The following SHANK2 variants were observed in gnomAD, a reference collection of about 807,000 sequenced individuals.
The protein encoded by SHANK2 is SH3 and multiple ankyrin repeat domains protein 2.
SHANK2 carries 43 observed loss-of-function variants against 133.7 expected under a neutral mutation model. The ratio of observed to expected loss-of-function variants is 0.32; its 90% CI spans 0.25 to 0.41. The LOEUF is 0.41. Ranked by LOEUF, SHANK2 falls within the 10% of genes least tolerant of loss-of-function variation. The pLI is 1.00. For synonymous variants in SHANK2, 1,017 were observed against 952.8 expected, an observed-to-expected ratio of 1.07 and a Z score of -1.24; for missense variants, 1,994 against 2,235.8, an observed-to-expected ratio of 0.89 and a Z score of 2.18.
chr11:71,190,545 G>T (rs1448253210), intron 2 of SHANK2, among the ~76,000 whole-genome samples: 2 of 152,154 alleles, frequency 1.3e-5, no homozygotes, highest in Non-Finnish European at 1.5e-5. Flanking sequence ...ACCAACAGAT[G>T]GTTGATGGGG....
At chr11:70,496,502 G>A (rs2058972737) in intron 21 of SHANK2, among the ~76,000 whole-genome samples, 2 of 152,202 alleles carry the variant, frequency 1.3e-5, no homozygotes, top group Non-Finnish European at 2.9e-5. Context: ...TCATGTAACT[G>A]TGTGCCCAGG....
At chr11:70,489,890 G>A in intron 23 of SHANK2, 1 of 314,134 alleles carries the variant, frequency 3.2e-6, no homozygotes, top group Non-Finnish European at 6.1e-6. Flanking sequence ...AGGCCTGGTG[G>A]TGGCTGGGGA....
chr11:70,657,276 G>A (rs2134245047), intron 17 of SHANK2, among the ~76,000 whole-genome samples: 1 of 152,258 alleles, frequency 6.6e-6, no homozygotes, highest in African/African-American at 2.4e-5. Flanking sequence ...CTGACTCCAG[G>A]ACTGGCTGCT....
intron 15 of SHANK2, among the ~76,000 whole-genome samples, chr11:70,663,925 T>A (rs1555014186): frequency 1.3e-5 from 2 of 151,788 alleles, no homozygotes; most frequent in African/African-American, 2.4e-5. Context: ...ACAGCAAGAG[T>A]GGGTAAGAAC....
intron 17 of SHANK2, among the ~76,000 whole-genome samples, chr11:70,529,395 TG>T (rs1348134705): frequency 3.3e-5 from 5 of 152,206 alleles, no homozygotes; most frequent in African/African-American, 1.2e-4. Context: ...ACCGGGCAGT[TG>T]GGGTTCAACA....
intron 2 of SHANK2, among the ~76,000 whole-genome samples, chr11:71,204,234 C>CAA (rs148030967): frequency 4.0e-5 from 6 of 151,512 alleles, no homozygotes; most frequent in Non-Finnish European, 7.4e-5. Flanking sequence ...GATGTAAATC[C>CAA]AAAAAAAACC....
At chr11:70,567,316 T>C (rs1220241136) in intron 17 of SHANK2, among the ~76,000 whole-genome samples, 1 of 152,160 alleles carries the variant, frequency 6.6e-6, no homozygotes, top group Non-Finnish European at 1.5e-5. Flanking sequence ...TAATCCCGGC[T>C]GACTGGTGTC....
intron 17 of SHANK2, among the ~76,000 whole-genome samples, chr11:70,506,192 G>A (rs782443846): frequency 3.3e-5 from 5 of 152,206 alleles, no homozygotes; most frequent in Non-Finnish European, 7.3e-5. Context: ...GTCTGTAGCC[G>A]ACAGCCTGGG....
intron 17 of SHANK2, among the ~76,000 whole-genome samples, chr11:70,597,205 C>T (rs1327057386): frequency 6.6e-6 from 1 of 152,236 alleles, no homozygotes; most frequent in African/African-American, 2.4e-5. Flanking sequence ...ATGCCAGGCT[C>T]AGCACCCGCC....
chr11:71,130,790 C>T (rs1454194999), intron 3 of SHANK2, among the ~76,000 whole-genome samples: 1 of 151,996 alleles, frequency 6.6e-6, no homozygotes, highest in African/African-American at 2.4e-5. Context: ...GTCGTGGCCC[C>T]ACAGGGATAT....
Position 70,892,462 on chromosome 11 carries a change from G to C in SHANK2, c.1174+4039C>G, listed in dbSNP as rs1227911369. 7.9e-5 allele frequency among the ~76,000 whole-genome samples: 12 copies of C among 152,240 alleles called. No homozygotes were observed. The East Asian group carries it at 2.3e-3, about 29-fold the overall frequency. On this transcript the variant is annotated intron_variant, in intron 11 of 25. Transcript: ENST00000601538. ...GTCCAGCCTCTATGAAGCCTCCCCA[G>C]CCTGCCCCATCCCAGTCCACACTGA...
intron 14 of SHANK2, among the ~76,000 whole-genome samples, chr11:70,727,505 C>A (rs1555030978): frequency 1.3e-5 from 2 of 152,154 alleles, no homozygotes; most frequent in African/African-American, 2.4e-5. Context: ...CATGGTAGAG[C>A]AGGGGTATCC....
In SHANK2 at chr11:70,472,558, G is replaced by A. The variant is rs1325419527; in HGVS notation, c.*311C>T. ...GGATCCCGTGCAAAATTGACGGGGA[G>A]CCTCTCGGACCCGGCAAAGCGAGGC... On this transcript the variant is annotated 3_prime_UTR_variant, in exon 26 of 26. Coordinates refer to ENST00000601538, the MANE Select transcript of SHANK2 (RefSeq NM_012309.5). This position sits in a 1 kb window ranked among gnomAD's most constrained non-coding sequence, Gnocchi z 4.4. 8 of 424,842 alleles carry A rather than the reference G, an allele frequency of 1.9e-5. No individual in the cohort carries two copies. Among genetic ancestry groups the A allele is most frequent in the African/African-American group, 1.6e-4 (8 of 49,530 alleles). The allele number at this position is 424,842 out of a possible 1,614,324, so 26.3% of individuals were successfully genotyped here. A position where few individuals can be genotyped will look rare whatever the true frequency, so the allele number is the denominator to read the frequency against.
chr11:70,723,696 C>A (rs1019276811), intron 14 of SHANK2, among the ~76,000 whole-genome samples: 4 of 152,172 alleles, frequency 2.6e-5, no homozygotes, highest in Non-Finnish European at 5.9e-5. Context: ...AAGTCCCACA[C>A]TGTTTAGACT....
chr11:70,790,101 T>A (rs976665104), intron 14 of SHANK2, among the ~76,000 whole-genome samples: 1 of 152,248 alleles, frequency 6.6e-6, no homozygotes, highest in African/African-American at 2.4e-5. Flanking sequence ...AAATATTTTA[T>A]CTTTGTTTCT....
intron 17 of SHANK2, among the ~76,000 whole-genome samples, chr11:70,585,830 C>A (rs201566902): frequency 0.049 from 3,785 of 77,584 alleles, 91 homozygotes; most frequent in East Asian, 0.22. Flanking sequence ...ATTTGCTCAC[C>A]CACCCACCCA....
At chr11:70,717,785 T>C (rs1006554329) in intron 14 of SHANK2, among the ~76,000 whole-genome samples, 1 of 150,726 alleles carries the variant, frequency 6.6e-6, no homozygotes, top group Non-Finnish European at 1.5e-5. Context: ...TGGGGCGGCC[T>C]CATCTACTAC....
intron 17 of SHANK2, among the ~76,000 whole-genome samples, chr11:70,642,383 C>T (rs1188443035): frequency 1.3e-5 from 2 of 152,174 alleles, no homozygotes; most frequent in Non-Finnish European, 2.9e-5. Context: ...AAGACAATGT[C>T]CTAGCTAACA....
At chr11:71,245,690 C>G (rs1192948303) in intron 1 of SHANK2, among the ~76,000 whole-genome samples, 1 of 152,240 alleles carries the variant, frequency 6.6e-6, no homozygotes, top group Admixed American at 6.5e-5. Flanking sequence ...GCCACTGGAG[C>G]TGAATGACCC....
Sources: gnomAD v4.1 joint callset for allele counts (sites outside exome capture counted in the v4.1 genomes callset) on GRCh38, gnomAD v4.1.1 for gene constraint, Gnocchi (gnomAD v3.1) non-coding constraint, MANE v1.5 for transcripts, NCBI Gene and HGNC (gene_info 2026-07-23, HGNC 2026-07-21) for gene names.